USP36: variants seen among roughly 807,000 people sequenced by gnomAD.
USP36 encodes ubiquitin specific peptidase 36, also known as ubiquitin carboxyl-terminal hydrolase 36.
USP36 carries 59 observed loss-of-function variants against 111.5 expected under a neutral mutation model. The observed-to-expected ratio is 0.53, with a 90% CI of 0.43 to 0.66. The LOEUF (loss-of-function observed/expected upper bound fraction) is 0.66, where lower values mean the gene tolerates loss of function less well. USP36 is among the 30% of genes least tolerant of loss of function. The pLI is 0.00. For synonymous variants in USP36, 628 were observed against 581.0 expected, an observed-to-expected ratio of 1.08 and a Z score of -1.16; for missense variants, 1,488 against 1,468.0, an observed-to-expected ratio of 1.01 and a Z score of -0.22.
intron 17 of USP36, among the ~76,000 whole-genome samples, chr17:78,800,637 T>A (rs971427487): frequency 6.6e-6 from 1 of 152,212 alleles, no homozygotes. Context: ...GACCCGGCCA[T>A]GCAGAGCAGC....
chr17:78,799,594 C>T (rs1276200804), intron 18 of USP36, 73 bp downstream of exon 18: 1 of 1,363,854 alleles, frequency 7.3e-7, no homozygotes, highest in East Asian at 2.4e-5. Flanking sequence ...GCACCAGGAT[C>T]CATTCCACAC....
At chr17:78,793,094 C>T (rs139958921), downstream of USP36, among the ~76,000 whole-genome samples, 4 of 151,460 alleles carry the variant, frequency 2.6e-5, no homozygotes, top group Admixed American at 1.3e-4. Flanking sequence ...CCGTCAGTAT[C>T]GAATGCCTCT....
intron 2 of USP36, among the ~76,000 whole-genome samples, chr17:78,837,290 A>T (rs2068772405): frequency 6.6e-6 from 1 of 152,074 alleles, no homozygotes; most frequent in Admixed American, 6.6e-5. Context: ...TCCATTAGAC[A>T]CCTAAACTTA....
rs2093689604 is a variant in USP36 at position 78,799,589 on chromosome 17, A to G, written c.3124+78T>C. ...CCGCCCGCCACACTCACAGTGCACC[A>G]GGATCCATTCCACACCCTTCCCTCC... On this transcript the variant is annotated intron_variant, in intron 18 of 20. Coordinates refer to ENST00000449938, the MANE Select transcript of USP36 (RefSeq NM_001385174.1). 16 of 1,297,656 alleles carry G rather than the reference A, an allele frequency of 1.2e-5. No individual in the cohort carries two copies. In the South Asian group the frequency reaches 2.0e-4, roughly 16 times the overall value. The allele number at this position is 1,297,656 out of a possible 1,614,324, so 80.4% of individuals were successfully genotyped here. A position where few individuals can be genotyped will look rare whatever the true frequency, so the allele number is the denominator to read the frequency against.
chr17:78,802,600 A>G (rs1488569466), intron 16 of USP36, 65 bp from the exon 17 acceptor site: 1 of 1,468,340 alleles, frequency 6.8e-7, no homozygotes, highest in African/African-American at 1.4e-5. Flanking sequence ...GAGCGCACAG[A>G]CACCCGCCTG....
intron 1 of USP36, among the ~76,000 whole-genome samples, chr17:78,839,560 A>G (rs2069045242): frequency 6.6e-6 from 1 of 152,204 alleles, no homozygotes; most frequent in African/African-American, 2.4e-5. Flanking sequence ...CTTGAGAACC[A>G]CTTAGGGAGG....
At position 78,808,487 on chromosome 17, in the gene USP36, G is replaced by A. The variant is rs568607576; in HGVS notation, c.1408-851C>T. On this transcript the variant is annotated intron_variant, in intron 13 of 20. Transcript: ENST00000449938. ...GCTAGCCTTGAATTCCTGAGCTCAAGCAATCCTCCCACCCTGGCCTCTCAA... is the reference window on the plus strand; with the variant it reads ...GCTAGCCTTGAATTCCTGAGCTCAAACAATCCTCCCACCCTGGCCTCTCAA... 2.6e-5 allele frequency among the ~76,000 whole-genome samples: 4 copies of A among 152,268 alleles called. No homozygotes were observed. The South Asian group carries it at 8.3e-4, about 32-fold the overall frequency.
intron 14 of USP36, among the ~76,000 whole-genome samples, 193 bp from the exon 15 acceptor site, chr17:78,806,479 T>C (rs2093904774): frequency 6.6e-6 from 1 of 152,206 alleles, no homozygotes; most frequent in Non-Finnish European, 1.5e-5. Flanking sequence ...AAAGTATTTT[T>C]GGTTAGAAAC....
chr17:78,792,295 A>G (rs904638188), downstream of USP36, among the ~76,000 whole-genome samples: 1 of 152,120 alleles, frequency 6.6e-6, no homozygotes, highest in African/African-American at 2.4e-5. Flanking sequence ...GGGAGCAGAC[A>G]GGGTAATTAA....
Position 78,803,615 on chromosome 17 carries a change from C to A in USP36, c.2580G>T (p.Leu860=). Reference sequence around the variant, plus strand: ...GCTGTCTCTGTGTCTGCCCCTCCTGCAGGGCGCTGGCAGCTGTGTCCTCCG... The same window carrying A: ...GCTGTCTCTGTGTCTGCCCCTCCTGAAGGGCGCTGGCAGCTGTGTCCTCCG... ...KRPEDTAASA[L]QEGQTQRQPG... Residue 860 remains leucine (L), a synonymous_variant, in exon 16 of 21, where the codon CTG becomes CTT. Transcript: ENST00000449938. The surrounding 1 kb of genome is among the most constrained non-coding windows in gnomAD (Gnocchi z 4.6). 6.2e-7 allele frequency: 1 copy of A among 1,612,158 alleles called. No individual in the cohort carries two copies. The highest frequency in any genetic ancestry group is 8.5e-7 in the Non-Finnish European group (1 of 1,179,460).
In USP36 at chr17:78,824,334, G is replaced by A. The variant is rs756445173; in HGVS notation, c.690-2330C>T. ...AGAGCTAGGAAGTAAAGGGTACCAC[G>A]GTGGACTGCCAAATCAGACAGTGAG... On this transcript the variant is annotated intron_variant, in intron 6 of 20. Transcript: ENST00000449938. 3.7e-4 allele frequency among the ~76,000 whole-genome samples: 57 copies of A among 152,228 alleles called. 1 individual carries two copies. Among genetic ancestry groups the A allele is most frequent in the Non-Finnish European group, 5.9e-4 (40 of 68,032 alleles).
downstream of USP36, among the ~76,000 whole-genome samples, chr17:78,794,493 C>T (rs1469137019): frequency 1.3e-5 from 2 of 152,200 alleles, no homozygotes; most frequent in Non-Finnish European, 2.9e-5. Context: ...CCTGCATCTC[C>T]CTAACAGCAC....
downstream of USP36, chr17:78,791,952 G>A (rs1215910776): frequency 6.6e-6 from 1 of 152,100 alleles, no homozygotes; most frequent in African/African-American, 2.4e-5. Context: ...GGGTGGATCG[G>A]TCGGCTGTTC....
In USP36 at chr17:78,796,799, G is replaced by C. The variant is rs2093635980; in HGVS notation, c.*1101C>G. On this transcript the variant is annotated 3_prime_UTR_variant, in exon 21 of 21. Transcript: ENST00000449938. ...ACTCCGGGAGGAAATGACGGGGACA[G>C]ACCCGATGAGGAAGGATGTTCACGG... 2 of 152,342 alleles carry C rather than the reference G, an allele frequency of 1.3e-5. No individual in the cohort carries two copies. Among genetic ancestry groups the C allele is most frequent in the African/African-American group, 4.8e-5 (2 of 41,446 alleles). The allele number at this position is 152,342 out of a possible 1,614,324, so 9.4% of individuals were successfully genotyped here. A position where few individuals can be genotyped will look rare whatever the true frequency, so the allele number is the denominator to read the frequency against.
At chr17:78,827,085 C>T (rs1272772967) in intron 6 of USP36, 160 bp downstream of exon 6, 2 of 785,132 alleles carry the variant, frequency 2.5e-6, no homozygotes, top group East Asian at 5.3e-5. Context: ...CCTATTTGGG[C>T]TCCAACAGTT....
In USP36 at chr17:78,803,922, TG is replaced by T; in HGVS notation, c.2272del (p.His758ThrfsTer139). 2.9e-6 allele frequency: 2 copies of T among 699,586 alleles called. No homozygotes were observed. The allele number at this position is 699,586 out of a possible 1,614,324, so 43.3% of individuals were successfully genotyped here. On this transcript the variant is annotated frameshift_variant, in exon 16 of 21. Transcript: ENST00000449938. LOFTEE classifies it high-confidence loss of function. The surrounding 1 kb of genome is among the most constrained non-coding windows in gnomAD (Gnocchi z 4.6). The part of the protein sequence containing the change: ...SSRLQPPFSP[H>X]PTLLSSTPKP... ...GGGGGTACTGGACAGCAATGTGGGG[TG>T]GGGGCTGAAGGGGGGTTGCAGGCGG... is the stretch of plus-strand genomic sequence containing the variant.
At position 78,807,612 on chromosome 17, in the gene USP36, T is replaced by G. The variant is rs1223457575; in HGVS notation, c.1432A>C (p.Lys478Gln). ...CCAATCTCTTCAGTGGTGTGCGGCTTCTTCATCGTCCCAGAGTCTTGTCGC... is the reference window on the plus strand; with the variant it reads ...CCAATCTCTTCAGTGGTGTGCGGCTGCTTCATCGTCCCAGAGTCTTGTCGC... ...GKRQDSGTMK[K>Q]PHTTEEIGVP... Residue 478 changes from lysine to glutamine, a missense_variant, in exon 14 of 21, where the codon AAG becomes CAG. This residue lies in a region of USP36 where 1,073 missense variants were observed against 994.1 expected (regional missense o/e 1.08). Coordinates refer to ENST00000449938, the MANE Select transcript of USP36 (RefSeq NM_001385174.1). The G allele has an allele frequency of 6.5e-7, 1 of 1,538,072 alleles. No individual in the cohort carries two copies. Among genetic ancestry groups the G allele is most frequent in the African/African-American group, 1.4e-5 (1 of 72,128 alleles).
chr17:78,836,126 G>A lies in USP36; in HGVS notation c.238C>T (p.Pro80Ser), dbSNP rs776236548. 4 of 1,613,390 alleles carry A rather than the reference G, an allele frequency of 2.5e-6. No homozygotes were observed. The highest frequency in any genetic ancestry group is 1.3e-5 in the African/African-American group (1 of 74,892). ...ASRHKSGDDP[P>S]ARRQGSEHTY... ...ACATCTGTACCCTGTCTCCTGGCCG[G>A]TGGGTCATCTCCACTCTTGTGGCGA... Residue 80 changes from proline to serine, a missense_variant, in exon 3 of 21, where the codon CCG becomes TCG. Physicochemically the swap from Pro to Ser is moderately conservative, Grantham distance 74 (BLOSUM62 -1). Transcript: ENST00000449938.
rs1190396939 is a variant in USP36 at position 78,803,505 on chromosome 17, T to C, written c.2690A>G (p.Asn897Ser). Residue 897 changes from asparagine (N) to serine (S), a missense_variant, in exon 16 of 21, where the codon AAT (asparagine) becomes AGT (serine). Physicochemically the swap from Asn to Ser is conservative, Grantham distance 46 (BLOSUM62 1). Around this residue, in one of 3 missense-constraint regions of USP36, gnomAD observed 1,073 missense variants for 994.1 expected, o/e 1.08. Coordinates refer to ENST00000449938, the MANE Select transcript of USP36 (RefSeq NM_001385174.1). The surrounding 1 kb of genome is among the most constrained non-coding windows in gnomAD (Gnocchi z 4.6). ...RQEDGTQPQV[N>S]GQQVGCVTDG... ...CGTAACACATCCCACCTGCTGGCCA[T>C]TCACCTGTGGCTGTGTGCCATCTTC... The C allele has an allele frequency of 1.9e-6, 3 of 1,613,882 alleles. No individual in the cohort carries two copies. The highest frequency in any genetic ancestry group is 2.7e-5 in the African/African-American group (2 of 74,906).
Sources: allele counts gnomAD v4.1 joint callset (sites outside exome capture counted in the v4.1 genomes callset), GRCh38; gene constraint gnomAD v4.1.1; regional missense constraint gnomAD v4.1.1; non-coding constraint Gnocchi (gnomAD v3.1); transcripts MANE v1.5; gene names NCBI Gene and HGNC (gene_info 2026-07-23, HGNC 2026-07-21).